The following B3GALT1 variants were observed in gnomAD, a reference collection of about 807,000 sequenced individuals.
B3GALT1 encodes the protein beta-1,3-galactosyltransferase 1.
A neutral mutation model predicts 23.2 loss-of-function variants in B3GALT1; 10 were observed. The ratio of observed to expected loss-of-function variants is 0.43; its 90% CI spans 0.27 to 0.73. B3GALT1 has a LOEUF of 0.73. B3GALT1 is among the 30% of genes least tolerant of loss of function. The pLI is 0.21. For synonymous variants in B3GALT1, 156 were observed against 141.5 expected, an observed-to-expected ratio of 1.10 and a Z score of -0.73; for missense variants, 299 against 405.4, an observed-to-expected ratio of 0.74 and a Z score of 2.25.
intron 3 of B3GALT1, among the ~76,000 whole-genome samples, chr2:167,785,469 T>A (rs1163713869): frequency 2.0e-5 from 3 of 152,200 alleles, no homozygotes; most frequent in Non-Finnish European, 1.5e-5. Context: ...AAGACCCATC[T>A]TAAGTTTTCT....
At chr2:167,585,841 A>G (rs1236572390) in intron 2 of B3GALT1, among the ~76,000 whole-genome samples, 1 of 152,234 alleles carries the variant, frequency 6.6e-6, no homozygotes, top group African/African-American at 2.4e-5. Flanking sequence ...ATACTATGGA[A>G]GAATATACAA....
chr2:167,783,073 C>A (rs547453894), intron 3 of B3GALT1, among the ~76,000 whole-genome samples: 27 of 152,146 alleles, frequency 1.8e-4, no homozygotes, highest in African/African-American at 6.5e-4. Context: ...ATTCTGAATT[C>A]ATGGGGGAAT....
At chr2:167,294,064 A>G (rs973745753) in intron 1 of B3GALT1, among the ~76,000 whole-genome samples, 3 of 152,140 alleles carry the variant, frequency 2.0e-5, no homozygotes, top group Admixed American at 1.3e-4. Context: ...ACTCTGAGGT[A>G]CTGGTAGCGG....
intron 3 of B3GALT1, among the ~76,000 whole-genome samples, chr2:167,770,293 A>G (rs1159206971): frequency 6.6e-6 from 1 of 152,066 alleles, no homozygotes; most frequent in East Asian, 1.9e-4. Context: ...TTTTTATTTT[A>G]GCTATTCTAA....
At chr2:167,790,482 C>T (rs191173035) in intron 3 of B3GALT1, among the ~76,000 whole-genome samples, 162 of 152,260 alleles carry the variant, frequency 1.1e-3, no homozygotes, top group African/African-American at 3.8e-3. Context: ...TTGGACTGTC[C>T]GTCTCTACCA....
chr2:167,369,272 C>T (rs1697642531), intron 1 of B3GALT1, among the ~76,000 whole-genome samples: 1 of 152,050 alleles, frequency 6.6e-6, no homozygotes, highest in African/African-American at 2.4e-5. Flanking sequence ...GTTTTGGAGG[C>T]CTTGCCTCTT....
At chr2:167,340,961 AG>A (rs1697138024) in intron 1 of B3GALT1, among the ~76,000 whole-genome samples, 1 of 152,196 alleles carries the variant, frequency 6.6e-6, no homozygotes, top group African/African-American at 2.4e-5. Flanking sequence ...AAAGATGAAA[AG>A]ATGGAAAACT....
At chr2:167,365,182 G>T (rs1013126447) in intron 1 of B3GALT1, among the ~76,000 whole-genome samples, 7 of 152,114 alleles carry the variant, frequency 4.6e-5, no homozygotes, top group Admixed American at 1.3e-4. Flanking sequence ...CAAGGATATG[G>T]AACTAGAGAC....
chr2:167,446,548 A>AG (rs1297194937), intron 1 of B3GALT1, among the ~76,000 whole-genome samples: 1 of 152,100 alleles, frequency 6.6e-6, no homozygotes, highest in Non-Finnish European at 1.5e-5. Context: ...TATTTCTTGG[A>AG]GGCTTTGTTC....
At chr2:167,422,257 CCT>C (rs1373020761) in intron 1 of B3GALT1, among the ~76,000 whole-genome samples, 1 of 150,878 alleles carries the variant, frequency 6.6e-6, no homozygotes, top group Non-Finnish European at 1.5e-5. Flanking sequence ...TCTGCCTCTG[CCT>C]CTCTCTGCTA....
intron 1 of B3GALT1, among the ~76,000 whole-genome samples, chr2:167,338,638 C>T (rs769846854): frequency 2.0e-5 from 3 of 151,734 alleles, no homozygotes; most frequent in Non-Finnish European, 4.4e-5. Context: ...GGATTAAAAC[C>T]CAAAATGTAT....
At chr2:167,674,143 T>C (rs967696766) in intron 3 of B3GALT1, among the ~76,000 whole-genome samples, 3 of 152,162 alleles carry the variant, frequency 2.0e-5, no homozygotes, top group African/African-American at 7.2e-5. Context: ...AATATTGGTA[T>C]TAAAAGAGGA....
intron 1 of B3GALT1, among the ~76,000 whole-genome samples, chr2:167,398,816 G>A (rs1698140896): frequency 6.6e-6 from 1 of 152,088 alleles, no homozygotes; most frequent in Non-Finnish European, 1.5e-5. Context: ...TAGCTACAAA[G>A]CAAGGGAAAC....
chr2:167,721,306 G>T (rs1687229245), intron 3 of B3GALT1, among the ~76,000 whole-genome samples: 1 of 152,224 alleles, frequency 6.6e-6, no homozygotes, highest in African/African-American at 2.4e-5. Flanking sequence ...TGCAGTTAAA[G>T]CTGAGGAAAG....
chr2:167,468,763 TGA>T (rs1699382549), intron 1 of B3GALT1, among the ~76,000 whole-genome samples: 2 of 152,068 alleles, frequency 1.3e-5, no homozygotes, highest in African/African-American at 4.8e-5. Flanking sequence ...CCCAGCTACT[TGA>T]CAGGCTGAGG....
chr2:167,670,025 T>C (rs1237269775), intron 3 of B3GALT1, among the ~76,000 whole-genome samples: 1 of 152,150 alleles, frequency 6.6e-6, no homozygotes, highest in Non-Finnish European at 1.5e-5. Flanking sequence ...TTGAAAAATC[T>C]CAGAGGATAC....
intron 4 of B3GALT1, among the ~76,000 whole-genome samples, chr2:167,841,531 G>T (rs1408479490): frequency 1.3e-5 from 2 of 152,200 alleles, no homozygotes; most frequent in Non-Finnish European, 2.9e-5. Context: ...TCTCCAGTTA[G>T]CAAACCTGGC....
At chr2:167,412,144 A>G (rs1458993575) in intron 1 of B3GALT1, among the ~76,000 whole-genome samples, 4 of 150,822 alleles carry the variant, frequency 2.7e-5, no homozygotes, top group African/African-American at 7.3e-5. Context: ...ATAAATAAGT[A>G]AAACATTAAC....
At chr2:167,317,874 A>G (rs1421169455) in intron 1 of B3GALT1, among the ~76,000 whole-genome samples, 1 of 152,122 alleles carries the variant, frequency 6.6e-6, no homozygotes, top group Non-Finnish European at 1.5e-5. Context: ...AAATAGATAA[A>G]TTCCAACATG....
Sources: gnomAD v4.1 joint callset for allele counts (sites outside exome capture counted in the v4.1 genomes callset) on GRCh38, gnomAD v4.1.1 for gene constraint, MANE v1.5 for transcripts, NCBI Gene and HGNC (gene_info 2026-07-23, HGNC 2026-07-21) for gene names.